Variants in AFDN observed in about 807,000 individuals in gnomAD.
AFDN encodes the protein afadin, adherens junction formation factor.
A neutral mutation model predicts 216.6 loss-of-function variants in AFDN; 68 were observed. That is an observed-to-expected ratio of 0.31 (90% CI 0.26 to 0.38). AFDN has a LOEUF of 0.38. Among genes scored for constraint, AFDN ranks in the 10% least tolerant of loss-of-function variants. The probability of loss-of-function intolerance (pLI) is 1.00; values close to 1 mark genes in which losing one functional copy is unlikely to be tolerated. For synonymous variants in AFDN, 868 were observed against 853.7 expected (o/e 1.02, Z -0.29); for missense variants, 2,136 against 2,342.0 (o/e 0.91, Z 1.82).
At chr6:167,878,595 CTCTCTCTCTCTG>C in intron 5 of AFDN, among the ~76,000 whole-genome samples, 1 of 140,952 alleles carries the variant, frequency 7.1e-6, no homozygotes, top group South Asian at 2.4e-4. Flanking sequence ...CACTCTCTCT[CTCTCTCTCTCTG>C]TCTCTCTCTC....
intron 31 of AFDN, chr6:167,963,663 G>C (rs908648667): frequency 4.7e-6 from 5 of 1,060,206 alleles, no homozygotes; most frequent in Middle Eastern, 4.2e-4. Flanking sequence ...GTAGACCTTT[G>C]CCCTCTAAGT....
At chr6:167,926,877 A>G (rs1792610041) in intron 23 of AFDN, among the ~76,000 whole-genome samples, 1 of 152,200 alleles carries the variant, frequency 6.6e-6, no homozygotes, top group Admixed American at 6.5e-5. Context: ...ACTCCCAGAC[A>G]CAGTCCCCAG....
At chr6:167,927,400 CTTAA>C (rs1316095967) in intron 23 of AFDN, among the ~76,000 whole-genome samples, 3 of 152,056 alleles carry the variant, frequency 2.0e-5, no homozygotes, top group African/African-American at 4.8e-5. Context: ...GAAGGCAGTG[CTTAA>C]TTAGTTTTAA....
At chr6:167,864,904 T>C (rs1029706270) in intron 2 of AFDN, 158 bp downstream of exon 2, 2 of 802,578 alleles carry the variant, frequency 2.5e-6, no homozygotes, top group Admixed American at 3.4e-5. Flanking sequence ...GAAAACTGTT[T>C]TATGTCTGGG....
intron 1 of AFDN, among the ~76,000 whole-genome samples, chr6:167,840,857 A>G (rs931379384): frequency 6.6e-6 from 1 of 152,222 alleles, no homozygotes; most frequent in African/African-American, 2.4e-5. Context: ...CCTCCCTGGC[A>G]GCCGAGTCTG....
intron 32 of AFDN, 112 bp downstream of exon 32, chr6:167,966,157 T>C (rs948774876): frequency 3.2e-5 from 49 of 1,534,714 alleles, no homozygotes; most frequent in Admixed American, 5.9e-5. Flanking sequence ...GGCGTCTTTC[T>C]CTCCAACTCA....
At position 167,963,118 on chromosome 6, in the gene AFDN, T is replaced by C. The variant is rs945221676; in HGVS notation, c.4968+551T>C. The C allele has an allele frequency of 2.3e-5, 24 of 1,028,634 alleles. No individual in the cohort carries two copies. The South Asian group carries it at 9.3e-4, about 40-fold the overall frequency. The allele number at this position is 1,028,634 out of a possible 1,614,324, so 63.7% of individuals were successfully genotyped here. On this transcript the variant is annotated intron_variant, in intron 31 of 33. Transcript: ENST00000683244. ...AAATATCCTAAGTTATTTATTTTCA[T>C]GTGTGTGTGTGTGTTTAAATCAAGT...
chr6:167,874,610 ATTT>A (rs34069250), intron 4 of AFDN, among the ~76,000 whole-genome samples: 1 of 113,250 alleles, frequency 8.8e-6, no homozygotes, highest in Non-Finnish European at 1.8e-5. Context: ...ATTTGCTATA[ATTT>A]TTTTTTTTTT....
intron 1 of AFDN, among the ~76,000 whole-genome samples, chr6:167,833,827 T>G (rs560551439): frequency 6.6e-6 from 1 of 152,340 alleles, no homozygotes; most frequent in African/African-American, 2.4e-5. Flanking sequence ...TTTTAAGTTT[T>G]ATAATCTCTT....
At chr6:167,888,330 T>C (rs1787128397) in intron 6 of AFDN, among the ~76,000 whole-genome samples, 1 of 152,232 alleles carries the variant, frequency 6.6e-6, no homozygotes, top group African/African-American at 2.4e-5. Context: ...AGCATGAGGA[T>C]ACATTTGGGT....
chr6:167,867,683 G>A (rs1296288209), intron 2 of AFDN, among the ~76,000 whole-genome samples: 6 of 151,900 alleles, frequency 3.9e-5, no homozygotes, highest in African/African-American at 7.2e-5. Flanking sequence ...CACCTGCCTC[G>A]GCCTCCCAAA....
At chr6:167,882,987 A>G (rs954281229) in intron 6 of AFDN, among the ~76,000 whole-genome samples, 7 of 152,134 alleles carry the variant, frequency 4.6e-5, no homozygotes, top group Admixed American at 4.6e-4. Context: ...CCAGACTGTC[A>G]GCCAGGTGTT....
intron 1 of AFDN, among the ~76,000 whole-genome samples, chr6:167,835,516 T>C (rs1207211459): frequency 6.6e-6 from 1 of 152,252 alleles, no homozygotes; most frequent in African/African-American, 2.4e-5. Context: ...TGGCACATAA[T>C]TGAACAAAGA....
At chr6:167,931,482 G>T (rs1345237290) in intron 23 of AFDN, among the ~76,000 whole-genome samples, 4 of 152,084 alleles carry the variant, frequency 2.6e-5, no homozygotes, top group Admixed American at 6.5e-5. Flanking sequence ...AAAGAAAATG[G>T]CCTGTTAATT....
rs1255948859 is a variant in AFDN at position 167,911,142 on chromosome 6, G to A, written c.1811G>A (p.Ser604Asn). 2 of 1,613,970 alleles carry A rather than the reference G, an allele frequency of 1.2e-6. No individual in the cohort carries two copies. Among genetic ancestry groups the A allele is most frequent in the African/African-American group, 1.3e-5 (1 of 75,038 alleles). The change falls in exon 14 of 34, where the codon AGC (serine) becomes AAC (asparagine). Residue 604 changes from serine to asparagine, a missense_variant. By Grantham distance (46) the Ser-to-Asn change is conservative. This residue lies in a region of AFDN where 817 missense variants were observed against 965.7 expected (regional missense o/e 0.85). Coordinates refer to ENST00000683244, the MANE Select transcript of AFDN (RefSeq NM_001386888.1). ...GGGCCTGAGCTGATACTACCTGCAA[G>A]CATTGAATTCAGGGAAAGTTGTGAG... ...ASGPELILPA[S>N]IEFRESSEDS...
At chr6:167,964,073 G>A (rs2128752677) in intron 31 of AFDN, 1 of 1,064,390 alleles carries the variant, frequency 9.4e-7, no homozygotes, top group Non-Finnish European at 1.1e-6. Flanking sequence ...TGTTTTTCCT[G>A]TGCTGAGAAA....
intron 1 of AFDN, among the ~76,000 whole-genome samples, chr6:167,859,305 G>C (rs1783271782): frequency 6.6e-6 from 1 of 152,142 alleles, no homozygotes; most frequent in Non-Finnish European, 1.5e-5. Flanking sequence ...TTGCCGCCAG[G>C]TTGTTTTGTG....
chr6:167,829,285 A>T (rs1025722575), intron 1 of AFDN, among the ~76,000 whole-genome samples: 2 of 152,016 alleles, frequency 1.3e-5, no homozygotes, highest in Non-Finnish European at 2.9e-5. Flanking sequence ...TTTCTCGAGA[A>T]CTTTCCTGTA....
chr6:167,898,780 G>T (rs916522430), intron 11 of AFDN, among the ~76,000 whole-genome samples: 1 of 152,110 alleles, frequency 6.6e-6, no homozygotes, highest in Non-Finnish European at 1.5e-5. Context: ...TAATTATTCA[G>T]TGTAACTAAG....
Sources: allele counts gnomAD v4.1 joint callset (sites outside exome capture counted in the v4.1 genomes callset), GRCh38; gene constraint gnomAD v4.1.1; regional missense constraint gnomAD v4.1.1; transcripts MANE v1.5; gene names NCBI Gene and HGNC (gene_info 2026-07-23, HGNC 2026-07-21).